NFIA: variants seen among roughly 807,000 people sequenced by gnomAD.
NFIA encodes nuclear factor I A, also known as nuclear factor 1 A-type.
In NFIA, 8 loss-of-function variants were observed where a neutral mutation model predicts 62.8. The observed-to-expected ratio is 0.13, with a 90% CI of 0.07 to 0.23. The LOEUF (loss-of-function observed/expected upper bound fraction) is 0.23. NFIA is among the 10% of genes least tolerant of loss of function. The pLI, the probability that NFIA is intolerant of heterozygous loss-of-function variation, is 1.00. For synonymous variants in NFIA, 235 were observed against 238.1 expected (o/e 0.99, Z 0.12); for missense variants, 410 against 642.1 (o/e 0.64, Z 3.91).
rs537658636 is a variant in NFIA at position 61,232,915 on chromosome 1, G to A, written c.560-44605G>A. On this transcript the variant is annotated intron_variant, in intron 2 of 10. Transcript: ENST00000403491. Reference sequence around the variant, plus strand: ...TCACTCATTGCTCATAAATTCATTTGGCAAGAATTTTTCGTTGGGTTTTAA... The same window carrying A: ...TCACTCATTGCTCATAAATTCATTTAGCAAGAATTTTTCGTTGGGTTTTAA... Among the ~76,000 whole-genome samples, 16 of 151,898 alleles carry A rather than the reference G, an allele frequency of 1.1e-4. No individual in the cohort carries two copies. In the South Asian group the frequency reaches 3.3e-3, roughly 32 times the overall value.
At chr1:61,364,265 T>A (rs1357172583) in intron 6 of NFIA, among the ~76,000 whole-genome samples, 1 of 152,138 alleles carries the variant, frequency 6.6e-6, no homozygotes, top group Non-Finnish European at 1.5e-5. Context: ...GCTATTATTG[T>A]CTGTTTTCTC....
chr1:61,235,812 CAAA>C (rs199585835), intron 2 of NFIA, among the ~76,000 whole-genome samples: 7 of 106,402 alleles, frequency 6.6e-5, no homozygotes, highest in East Asian at 2.6e-4. Context: ...GATCCTGTCT[CAAA>C]AAAAAAAAAA....
chr1:61,115,994 G>C (rs2100461485), intron 2 of NFIA, among the ~76,000 whole-genome samples: 1 of 150,284 alleles, frequency 6.7e-6, no homozygotes, highest in African/African-American at 2.4e-5. Flanking sequence ...GTGGTTATCT[G>C]AGGAGTGTCT....
intron 2 of NFIA, among the ~76,000 whole-genome samples, chr1:61,112,826 G>A (rs1343840679): frequency 2.0e-5 from 3 of 152,086 alleles, no homozygotes; most frequent in African/African-American, 7.2e-5. Context: ...CATTTCATAT[G>A]CATTGATTAT....
intron 2 of NFIA, among the ~76,000 whole-genome samples, chr1:61,200,191 C>G (rs1021730783): frequency 1.1e-4 from 16 of 151,212 alleles, no homozygotes; most frequent in Non-Finnish European, 4.4e-5. Context: ...AGCATGGACT[C>G]TGGAGCCCAG....
intron 2 of NFIA, among the ~76,000 whole-genome samples, chr1:61,106,143 G>T (rs980768121): frequency 6.1e-4 from 77 of 126,894 alleles, no homozygotes; most frequent in African/African-American, 2.5e-3. Context: ...ATATCTTACT[G>T]ATTTATTCAT....
chr1:61,315,876 T>A (rs975576511), intron 3 of NFIA, among the ~76,000 whole-genome samples: 4 of 152,226 alleles, frequency 2.6e-5, no homozygotes, highest in African/African-American at 9.6e-5. Context: ...TTTTACATGT[T>A]ATTTCGTATT....
chr1:61,430,984 T>A (rs1366914942), intron 10 of NFIA, among the ~76,000 whole-genome samples: 1 of 152,028 alleles, frequency 6.6e-6, no homozygotes, highest in Non-Finnish European at 1.5e-5. Flanking sequence ...CCACCTTGAA[T>A]CTCTTATTTT....
chr1:61,243,300 A>C (rs758010761), intron 2 of NFIA, among the ~76,000 whole-genome samples: 1 of 152,208 alleles, frequency 6.6e-6, no homozygotes, highest in Non-Finnish European at 1.5e-5. Context: ...GGTGTGTAGC[A>C]GATCCCTTCT....
At chr1:61,294,890 T>C (rs1659105824) in intron 3 of NFIA, among the ~76,000 whole-genome samples, 1 of 152,250 alleles carries the variant, frequency 6.6e-6, no homozygotes, top group Admixed American at 6.5e-5. Flanking sequence ...ATTCCCAGTC[T>C]ATCTCGATAT....
intron 5 of NFIA, among the ~76,000 whole-genome samples, chr1:61,352,826 G>A (rs1020452891): frequency 6.6e-6 from 1 of 151,684 alleles, no homozygotes; most frequent in African/African-American, 2.4e-5. Context: ...GTGTGACACA[G>A]GCTAAAAATA....
chr1:61,314,958 G>A (rs1372643678), intron 3 of NFIA, among the ~76,000 whole-genome samples: 2 of 152,132 alleles, frequency 1.3e-5, no homozygotes, highest in African/African-American at 4.8e-5. Context: ...TTTGTTTATA[G>A]GTTGGCATCA....
chr1:61,403,416 T>C (rs776769512), intron 7 of NFIA, among the ~76,000 whole-genome samples: 17 of 152,318 alleles, frequency 1.1e-4, no homozygotes, highest in Non-Finnish European at 2.2e-4. Context: ...CTGAGTCTTT[T>C]ATCAGTTTTT....
chr1:61,182,392 G>T (rs1020271525), intron 2 of NFIA, among the ~76,000 whole-genome samples: 1 of 152,198 alleles, frequency 6.6e-6, no homozygotes, highest in Admixed American at 6.5e-5. Context: ...TTAAGAGTTA[G>T]ATTAGACAAA....
Position 61,320,397 on chromosome 1 carries a change from A to G in NFIA, c.626-12115A>G, listed in dbSNP as rs562237128. Among the ~76,000 whole-genome samples, 5 of 152,308 alleles carry G rather than the reference A, an allele frequency of 3.3e-5. No individual in the cohort carries two copies. In the South Asian group the frequency reaches 8.3e-4, roughly 25 times the overall value. On this transcript the variant is annotated intron_variant, in intron 3 of 10. Coordinates refer to ENST00000403491, the MANE Select transcript of NFIA (RefSeq NM_001134673.4). ...TGGTGAATTTTGGCATCGATAACTAATTACTGGGTAAATGAGCAAGAATTA... is the reference window on the plus strand; with the variant it reads ...TGGTGAATTTTGGCATCGATAACTAGTTACTGGGTAAATGAGCAAGAATTA...
Position 61,455,361 on chromosome 1 carries a change from C to A in NFIA, c.*41C>A, listed in dbSNP as rs1668251501. 6.2e-7 allele frequency: 1 copy of A among 1,614,160 alleles called. No individual in the cohort carries two copies. Among genetic ancestry groups the A allele is most frequent in the South Asian group, 1.1e-5 (1 of 91,080 alleles). On this transcript the variant is annotated 3_prime_UTR_variant, in exon 11 of 11. Transcript: ENST00000403491. ...ACCATCCACCAGACAGACCACCTGA[C>A]CCCTTCTCAACTCTGTAACATGGAC...
chr1:61,136,266 A>G (rs1647188781), intron 2 of NFIA, among the ~76,000 whole-genome samples: 1 of 152,194 alleles, frequency 6.6e-6, no homozygotes, highest in Non-Finnish European at 1.5e-5. Flanking sequence ...TTTTCCTGAC[A>G]ACTGAAGACT....
At chr1:61,320,907 T>G (rs79880495) in intron 3 of NFIA, among the ~76,000 whole-genome samples, 6,792 of 152,266 alleles carry the variant, frequency 0.045, 200 homozygotes, top group Admixed American at 0.096. Context: ...TTCCCTGTTT[T>G]TTCCCTAGTA....
At chr1:61,170,167 C>G (rs1246576653) in intron 2 of NFIA, among the ~76,000 whole-genome samples, 1 of 152,152 alleles carries the variant, frequency 6.6e-6, no homozygotes, top group Non-Finnish European at 1.5e-5. Context: ...AGACAACTGT[C>G]TGACTGCAAC....
Sources: gnomAD v4.1 joint callset for allele counts (sites outside exome capture counted in the v4.1 genomes callset) on GRCh38, gnomAD v4.1.1 for gene constraint, MANE v1.5 for transcripts, NCBI Gene and HGNC (gene_info 2026-07-23, HGNC 2026-07-21) for gene names.